LYPLA1: variants seen among roughly 807,000 people sequenced by gnomAD.
The protein encoded by LYPLA1 is acyl-protein thioesterase 1.
In LYPLA1, 17 loss-of-function variants were observed where a neutral mutation model predicts 34.0. That is an observed-to-expected ratio of 0.50 (90% CI 0.34 to 0.75). The LOEUF (loss-of-function observed/expected upper bound fraction) is 0.75, where lower values mean the gene tolerates loss of function less well. LYPLA1 is among the 30% of genes least tolerant of loss of function. The probability of loss-of-function intolerance (pLI) is 0.01; values close to 1 mark genes in which losing one functional copy is unlikely to be tolerated. For missense variants in LYPLA1, 203 were observed against 288.8 expected, an observed-to-expected ratio of 0.70 and a Z score of 2.15; for synonymous variants, 98 against 100.8, an observed-to-expected ratio of 0.97 and a Z score of 0.17.
rs557618812 is a variant in LYPLA1 at position 54,063,054 on chromosome 8, T to C, written c.215+274A>G. Reference sequence around the variant, plus strand: ...TGGTTTAATAGGGGTCATTCGAATGTTGGGTTACTAAAACCAACAAAGGTT... The same window carrying C: ...TGGTTTAATAGGGGTCATTCGAATGCTGGGTTACTAAAACCAACAAAGGTT... On this transcript the variant is annotated intron_variant, in intron 4 of 8. Coordinates refer to ENST00000316963, the MANE Select transcript of LYPLA1 (RefSeq NM_006330.4). 5.9e-5 allele frequency among the ~76,000 whole-genome samples: 9 copies of C among 152,254 alleles called. 1 individual carries two copies. Among genetic ancestry groups the C allele is most frequent in the African/African-American group, 1.9e-4 (8 of 41,546 alleles).
intron 6 of LYPLA1, 39 bp from the exon 7 acceptor site, chr8:54,052,795 G>T: frequency 7.9e-7 from 1 of 1,267,812 alleles, no homozygotes; most frequent in Non-Finnish European, 1.1e-6. Context: ...GAACACACAT[G>T]CTTGCCCACA....
chr8:54,075,901 A>G lies in LYPLA1; in HGVS notation c.102-10088T>C, dbSNP rs576081500. On this transcript the variant is annotated intron_variant, in intron 2 of 8. Coordinates refer to ENST00000316963, the MANE Select transcript of LYPLA1 (RefSeq NM_006330.4). ...GCAGAACAGGCAGAGGTGCGGCACA[A>G]TGATTCCTATGGAATCATTATTGAT... Among the ~76,000 whole-genome samples the G allele has an allele frequency of 1.8e-3, 279 of 152,340 alleles. 2 individuals are homozygous for G. The highest frequency in any genetic ancestry group is 6.4e-3 in the African/African-American group (268 of 41,574).
intron 2 of LYPLA1, among the ~76,000 whole-genome samples, chr8:54,091,983 G>T (rs969151197): frequency 6.6e-6 from 1 of 151,818 alleles, no homozygotes; most frequent in Admixed American, 6.6e-5. Flanking sequence ...AGTCACTTGG[G>T]AGGCTGAACC....
At chr8:54,091,214 A>G (rs1404867239) in intron 2 of LYPLA1, among the ~76,000 whole-genome samples, 1 of 152,028 alleles carries the variant, frequency 6.6e-6, no homozygotes. Flanking sequence ...CAGGCAGGGC[A>G]TGGTGGCTCA....
intron 5 of LYPLA1, among the ~76,000 whole-genome samples, chr8:54,057,116 A>C (rs1806261574): frequency 6.6e-6 from 1 of 152,174 alleles, no homozygotes; most frequent in South Asian, 2.1e-4. Context: ...AAATGCTGGC[A>C]AGGATGTGGA....
intron 5 of LYPLA1, among the ~76,000 whole-genome samples, chr8:54,055,784 C>T (rs367919611): frequency 1.2e-4 from 19 of 152,088 alleles, no homozygotes; most frequent in Admixed American, 5.9e-4. Context: ...GCTGGGACTA[C>T]GGGTGCCCAC....
intron 2 of LYPLA1, chr8:54,073,605 A>G: frequency 1.9e-6 from 1 of 527,278 alleles, no homozygotes; most frequent in Non-Finnish European, 3.4e-6. Context: ...ATAATTTTAG[A>G]TATCATGCAA....
intron 2 of LYPLA1, among the ~76,000 whole-genome samples, chr8:54,086,727 G>T (rs764188304): frequency 2.6e-5 from 4 of 152,056 alleles, no homozygotes; most frequent in Admixed American, 6.6e-5. Flanking sequence ...GCCAGGCATG[G>T]TGGTGTGCAC....
At chr8:54,074,049 G>A (rs1807696753) in intron 2 of LYPLA1, among the ~76,000 whole-genome samples, 1 of 152,174 alleles carries the variant, frequency 6.6e-6, no homozygotes, top group Admixed American at 6.5e-5. Flanking sequence ...GCCGAGGTGG[G>A]CGGATCACGA....
chr8:54,061,457 C>CA (rs1289010832), intron 5 of LYPLA1, among the ~76,000 whole-genome samples: 2 of 152,158 alleles, frequency 1.3e-5, no homozygotes, highest in African/African-American at 4.8e-5. Flanking sequence ...ATACGTCTGA[C>CA]AGAGTTTAAA....
In LYPLA1 at chr8:54,055,146, T is replaced by C; in HGVS notation, c.287-13A>G. Reference sequence around the variant, plus strand: ...ATCAAAGCTTTTACTAAAAACAACATGAAAGTTAGTCAGCAATACTTTCAG... The same window carrying C: ...ATCAAAGCTTTTACTAAAAACAACACGAAAGTTAGTCAGCAATACTTTCAG... On this transcript the variant is annotated splice_polypyrimidine_tract_variant and intron_variant, in intron 5 of 8. Transcript: ENST00000316963. 1 of 1,516,410 alleles carries C rather than the reference T, an allele frequency of 6.6e-7. No individual in the cohort carries two copies. Among genetic ancestry groups the C allele is most frequent in the Non-Finnish European group, 9.1e-7 (1 of 1,093,070 alleles). The allele number at this position is 1,516,410 out of a possible 1,614,324, so 93.9% of individuals were successfully genotyped here. A position where few individuals can be genotyped will look rare whatever the true frequency, so the allele number is the denominator to read the frequency against.
intron 5 of LYPLA1, 69 bp downstream of exon 5, chr8:54,062,185 A>T (rs1192966402): frequency 9.0e-7 from 1 of 1,111,136 alleles, no homozygotes; most frequent in Non-Finnish European, 1.3e-6. Flanking sequence ...ACCAGTAGCG[A>T]TATGATTACT....
At position 54,063,463 on chromosome 8, in the gene LYPLA1, A is replaced by C. The variant is rs1487314725; in HGVS notation, c.168-88T>G. On this transcript the variant is annotated intron_variant, in intron 3 of 8. Transcript: ENST00000316963. ...TTAATCAAAAACAGATAATTGCTTG[A>C]GACCTACACAAAACTATATGCTACA... 3.7e-6 allele frequency: 3 copies of C among 803,864 alleles called. No homozygotes were observed. In the African/African-American group the frequency reaches 5.3e-5, roughly 14 times the overall value. 49.8% of individuals were successfully genotyped at this position (803,864 alleles called of 1,614,324 possible). A position where few individuals can be genotyped will look rare whatever the true frequency, so the allele number is the denominator to read the frequency against.
intron 2 of LYPLA1, among the ~76,000 whole-genome samples, chr8:54,082,012 G>T (rs888226750): frequency 6.6e-6 from 1 of 152,170 alleles, no homozygotes; most frequent in Non-Finnish European, 1.5e-5. Context: ...TTACAGGCAT[G>T]AGCCACCGCA....
At chr8:54,086,532 C>A (rs1808792061) in intron 2 of LYPLA1, among the ~76,000 whole-genome samples, 1 of 131,746 alleles carries the variant, frequency 7.6e-6, no homozygotes, top group Non-Finnish European at 1.6e-5. Flanking sequence ...CATTATTACT[C>A]TGACATCAAA....
At chr8:54,083,021 C>A (rs138966333) in intron 2 of LYPLA1, among the ~76,000 whole-genome samples, 1 of 152,128 alleles carries the variant, frequency 6.6e-6, no homozygotes, top group Non-Finnish European at 1.5e-5. Flanking sequence ...CCACCGCACC[C>A]GGTCTCATTG....
At chr8:54,101,151 G>C (rs1480596801) in intron 1 of LYPLA1, among the ~76,000 whole-genome samples, 1 of 151,080 alleles carries the variant, frequency 6.6e-6, no homozygotes, top group Admixed American at 6.6e-5. Context: ...TGAATGGGGG[G>C]GGGGTAGCAC....
chr8:54,096,708 A>C (rs1394747731), intron 2 of LYPLA1, among the ~76,000 whole-genome samples: 1 of 148,290 alleles, frequency 6.7e-6, no homozygotes, highest in Non-Finnish European at 1.5e-5. Context: ...ACGCCACTAC[A>C]CTCCAGCCTG....
At chr8:54,073,103 A>C (rs1054565339) in intron 2 of LYPLA1, 17 of 670,600 alleles carry the variant, frequency 2.5e-5, no homozygotes, top group Non-Finnish European at 4.5e-5. Flanking sequence ...GGGTTGGGCC[A>C]TCAGGAACTT....
Sources: allele counts gnomAD v4.1 joint callset (sites outside exome capture counted in the v4.1 genomes callset), GRCh38; gene constraint gnomAD v4.1.1; transcripts MANE v1.5; gene names NCBI Gene and HGNC (gene_info 2026-07-23, HGNC 2026-07-21).